LMNTD1: variants seen among roughly 807,000 people sequenced by gnomAD.
LMNTD1 encodes the protein lamin tail domain containing 1, also known as lamin tail domain-containing protein 1.
A neutral mutation model predicts 50.9 loss-of-function variants in LMNTD1; 35 were observed. The observed-to-expected ratio is 0.69, with a 90% CI of 0.53 to 0.91. The LOEUF is 0.91. Ranked by LOEUF, LMNTD1 falls within the 40% of genes least tolerant of loss-of-function variation. The pLI is 0.00. For missense variants in LMNTD1, 470 were observed against 475.5 expected (o/e 0.99, Z 0.11); for synonymous variants, 153 against 161.9 (o/e 0.94, Z 0.42).
chr12:25,526,862 T>A lies in LMNTD1; in HGVS notation c.585A>T (p.Gly195=). The A allele has an allele frequency of 1.9e-6, 3 of 1,613,254 alleles. No homozygotes were observed. The highest frequency in any genetic ancestry group is 1.7e-6 in the Non-Finnish European group (2 of 1,179,358). The change falls in exon 5 of 10, where the codon GGA becomes GGT. Residue 195 remains glycine, a synonymous_variant. Transcript: ENST00000458174. The part of the protein sequence containing the change: ...NSSLDKEMAI[G]DHILQQNVNG... The stretch of plus-strand genomic sequence containing the variant: ...TCACATTTTGCTGGAGAATATGATC[T>A]CCAATTGCCATTTCTTTGTCAAGGG...
intron 1 of LMNTD1, among the ~76,000 whole-genome samples, chr12:25,600,325 A>C (rs892135272): frequency 1.3e-5 from 2 of 151,852 alleles, no homozygotes; most frequent in Admixed American, 1.3e-4. Context: ...TTAAATCTAT[A>C]ATCTCAAAAT....
intron 1 of LMNTD1, among the ~76,000 whole-genome samples, chr12:25,603,470 TAGTC>T (rs1224372818): frequency 1.3e-5 from 2 of 152,020 alleles, no homozygotes; most frequent in Non-Finnish European, 2.9e-5. Flanking sequence ...TTTGTACACA[TAGTC>T]AGTAAAGAGG....
intron 4 of LMNTD1, among the ~76,000 whole-genome samples, chr12:25,527,681 T>TATATATATAC (rs1463259109): frequency 9.3e-5 from 3 of 32,354 alleles, no homozygotes; most frequent in Non-Finnish European, 1.8e-4. Context: ...TATATATATA[T>TATATATATAC]ACACACACAC....
At chr12:25,556,314 G>A (rs1298678727), upstream of LMNTD1, among the ~76,000 whole-genome samples, 1 of 152,142 alleles carries the variant, frequency 6.6e-6, no homozygotes, top group Non-Finnish European at 1.5e-5. Context: ...TCTAGAAGAT[G>A]AGAATTTCCC....
At chr12:25,638,169 A>G (rs1946876602) in intron 1 of LMNTD1, among the ~76,000 whole-genome samples, 1 of 152,114 alleles carries the variant, frequency 6.6e-6, no homozygotes, top group South Asian at 2.1e-4. Flanking sequence ...TTAACAATCT[A>G]TGAATAGACA....
Position 25,519,886 on chromosome 12 carries a change from C to G in LMNTD1, c.988G>C (p.Val330Leu), listed in dbSNP as rs1229945447. Reference protein sequence around the residue: ...QPKKDISNYQVEQAQVLLKRE... With the variant: ...QPKKDISNYQLEQAQVLLKRE... ...TTAAGAAGAACTTGAGCTTGTTCCACCTGATAATTTGAGATATCTTTCTTA... is the reference window on the plus strand; with the variant it reads ...TTAAGAAGAACTTGAGCTTGTTCCAGCTGATAATTTGAGATATCTTTCTTA... The change falls in exon 7 of 10, where the codon GTG becomes CTG. Residue 330 changes from valine to leucine, a missense_variant. Val to Leu is a conservative substitution (Grantham distance 32). Coordinates refer to ENST00000458174, the MANE Select transcript of LMNTD1 (RefSeq NM_001145728.2). The G allele has an allele frequency of 6.2e-7, 1 of 1,611,340 alleles. No individual in the cohort carries two copies. Among genetic ancestry groups the G allele is most frequent in the South Asian group, 1.1e-5 (1 of 90,890 alleles).
chr12:25,541,565 T>C (rs1943074979), intron 4 of LMNTD1, among the ~76,000 whole-genome samples: 1 of 77,478 alleles, frequency 1.3e-5, no homozygotes, highest in African/African-American at 3.9e-5. Flanking sequence ...TATACAAAAA[T>C]CAATTCAAGA....
intron 9 of LMNTD1, chr12:25,500,062 T>C (rs1285217287): frequency 6.6e-6 from 1 of 151,964 alleles, no homozygotes; most frequent in African/African-American, 2.4e-5. Flanking sequence ...AGAAGGAGGT[T>C]GTGGGAAAAA....
At chr12:25,530,876 T>C (rs1160319884) in intron 4 of LMNTD1, among the ~76,000 whole-genome samples, 1 of 152,160 alleles carries the variant, frequency 6.6e-6, no homozygotes, top group Non-Finnish European at 1.5e-5. Flanking sequence ...GTAGCCTAGG[T>C]TATTCAGGTG....
intron 1 of LMNTD1, among the ~76,000 whole-genome samples, chr12:25,563,129 C>T (rs1365880952): frequency 3.9e-5 from 6 of 152,240 alleles, no homozygotes; most frequent in Non-Finnish European, 7.4e-5. Flanking sequence ...TCATCTGAAG[C>T]CTTCTTCTGT....
chr12:25,559,411 T>C (rs956297814), intron 1 of LMNTD1, among the ~76,000 whole-genome samples: 5 of 152,204 alleles, frequency 3.3e-5, no homozygotes, highest in Non-Finnish European at 5.9e-5. Context: ...TTCCATGGTG[T>C]ATATGTGACA....
At chr12:25,484,610 C>T (rs1362995752) in intron 9 of LMNTD1, among the ~76,000 whole-genome samples, 1 of 149,858 alleles carries the variant, frequency 6.7e-6, no homozygotes, top group African/African-American at 2.5e-5. Flanking sequence ...CCCACTAACT[C>T]ATCATCTAGC....
intron 4 of LMNTD1, among the ~76,000 whole-genome samples, chr12:25,536,363 T>C (rs571994812): frequency 2.6e-5 from 4 of 152,310 alleles, no homozygotes; most frequent in Admixed American, 6.5e-5. Context: ...ATTCAAGTCA[T>C]ACAAAGTATG....
chr12:25,488,404 C>G (rs1226583133), intron 9 of LMNTD1, among the ~76,000 whole-genome samples: 2 of 134,222 alleles, frequency 1.5e-5, no homozygotes, highest in Admixed American at 1.6e-4. Flanking sequence ...TGCTGATACC[C>G]TTTCTTCCAG....
At chr12:25,485,381 G>C (rs1238015966) in intron 9 of LMNTD1, among the ~76,000 whole-genome samples, 1 of 122,282 alleles carries the variant, frequency 8.2e-6, no homozygotes, top group Non-Finnish European at 1.7e-5. Context: ...ATTTGTTTGA[G>C]TTCATTGTAG....
At chr12:25,537,668 C>G (rs558232880) in intron 4 of LMNTD1, among the ~76,000 whole-genome samples, 4,838 of 152,106 alleles carry the variant, frequency 0.032, 178 homozygotes, top group African/African-American at 0.095. Flanking sequence ...CAGAGCGCCT[C>G]TCCTCCTCCA....
chr12:25,645,709 T>A (rs1409599584), intron 1 of LMNTD1, among the ~76,000 whole-genome samples: 1 of 152,238 alleles, frequency 6.6e-6, no homozygotes, highest in African/African-American at 2.4e-5. Context: ...CCGTGACATG[T>A]AGCAGCTGTA....
intron 4 of LMNTD1, among the ~76,000 whole-genome samples, chr12:25,541,425 C>T (rs947333016): frequency 6.9e-6 from 1 of 144,260 alleles, no homozygotes; most frequent in East Asian, 2.0e-4. Flanking sequence ...CACATATCTA[C>T]AACTATCTGA....
intron 1 of LMNTD1, among the ~76,000 whole-genome samples, chr12:25,585,667 A>G (rs573108638): frequency 6.6e-6 from 1 of 152,340 alleles, no homozygotes; most frequent in East Asian, 1.9e-4. Flanking sequence ...AGACCACACG[A>G]AACTAGGTTT....
Sources: allele counts gnomAD v4.1 joint callset (sites outside exome capture counted in the v4.1 genomes callset), GRCh38; gene constraint gnomAD v4.1.1; transcripts MANE v1.5; gene names NCBI Gene and HGNC (gene_info 2026-07-23, HGNC 2026-07-21).